Variants in VPS13B observed in about 807,000 individuals in gnomAD.
VPS13B encodes the protein vacuolar protein sorting 13 homolog B.
A neutral mutation model predicts 426.4 loss-of-function variants in VPS13B; 285 were observed. The ratio of observed to expected loss-of-function variants is 0.67; its 90% CI spans 0.61 to 0.74. The LOEUF (loss-of-function observed/expected upper bound fraction) is 0.74. Among genes scored for constraint, VPS13B ranks in the 30% least tolerant of loss-of-function variants. VPS13B has a pLI of 0.00. For synonymous variants in VPS13B, 1,676 were observed against 1,676.4 expected (o/e 1.00, Z 0.01); for missense variants, 4,537 against 4,782.6 (o/e 0.95, Z 1.51).
chr8:99,170,095 A>C lies in VPS13B; in HGVS notation c.2265A>C (p.Leu755Phe). 1 of 1,612,984 alleles carries C rather than the reference A, an allele frequency of 6.2e-7. No homozygotes were observed. Among genetic ancestry groups the C allele is most frequent in the Non-Finnish European group, 8.5e-7 (1 of 1,179,090 alleles). Residue 755 changes from leucine to phenylalanine, a missense_variant, in exon 16 of 62, where the codon TTA (leucine) becomes TTC (phenylalanine). By Grantham distance (22) the Leu-to-Phe change is conservative (BLOSUM62 0). This residue lies in a region of VPS13B where 4,311 missense variants were observed against 4,474.3 expected (regional missense o/e 0.96). Transcript: ENST00000357162. ...TSLDCSGSYC[L>F]PVPVIPSFST... ...TGGATTGCAGTGGATCTTACTGCTT[A>C]CCTGTACCAGTTATTCCCTCTTTCA...
chr8:99,591,280 ATTGACGGGTC>A lies in VPS13B; in HGVS notation c.5220+13653_5220+13662del, dbSNP rs1443626679. ...ATGGGTCTCCTGATGAATCCAGCAC[ATTGACGGGTC>A]TTGACTCTTTATCCAATTTGCCAGT... is the stretch of plus-strand genomic sequence containing the variant. On this transcript the variant is annotated intron_variant, in intron 33 of 61. Transcript: ENST00000357162. 4.0e-5 allele frequency among the ~76,000 whole-genome samples: 6 copies of A among 150,746 alleles called. No individual in the cohort carries two copies. The South Asian group carries it at 6.3e-4, about 16-fold the overall frequency.
chr8:99,518,706 C>G (rs548125960), intron 29 of VPS13B, among the ~76,000 whole-genome samples: 6 of 152,036 alleles, frequency 3.9e-5, no homozygotes, highest in Non-Finnish European at 8.8e-5. Flanking sequence ...TTTCCTTGGA[C>G]TAATCTGAAT....
chr8:99,661,634 G>A (rs1830228019), intron 35 of VPS13B, 143 bp downstream of exon 35: 3 of 982,592 alleles, frequency 3.1e-6, no homozygotes, highest in South Asian at 1.6e-5. Context: ...TTTTCAGGCT[G>A]CCCATTTTAG....
rs5893498 is a variant in VPS13B at position 99,788,383 on chromosome 8, TAA to T, written c.7941+3926_7941+3927del. On this transcript the variant is annotated intron_variant, in intron 43 of 61. Coordinates refer to ENST00000357162, the MANE Select transcript of VPS13B (RefSeq NM_152564.5). ...TGGGCAATATAATGAGACCCCATCT[TAA>T]AAAAAAAAAAAAAAAAAAGCAAAAT... Among the ~76,000 whole-genome samples, 122 of 102,892 alleles carry T rather than the reference TAA, an allele frequency of 1.2e-3. 1 individual carries two copies. Among genetic ancestry groups the T allele is most frequent in the African/African-American group, 3.2e-3 (90 of 28,048 alleles). 67.5% of individuals were successfully genotyped at this position (102,892 alleles called of 152,430 possible).
chr8:99,428,288 G>A (rs990643793), intron 21 of VPS13B, among the ~76,000 whole-genome samples: 8 of 152,032 alleles, frequency 5.3e-5, no homozygotes, highest in Non-Finnish European at 1.0e-4. Context: ...GTGACAAATG[G>A]GATCTAATTA....
intron 17 of VPS13B, among the ~76,000 whole-genome samples, chr8:99,198,578 T>C (rs1337783764): frequency 6.6e-6 from 1 of 152,156 alleles, no homozygotes; most frequent in Non-Finnish European, 1.5e-5. Flanking sequence ...GTGGCATATG[T>C]ATTGAAAAAT....
intron 39 of VPS13B, among the ~76,000 whole-genome samples, chr8:99,749,314 T>C (rs1328680887): frequency 6.6e-6 from 1 of 152,046 alleles, no homozygotes; most frequent in Non-Finnish European, 1.5e-5. Context: ...CCTGTTGTTC[T>C]ATCAGACACT....
Position 99,103,134 on chromosome 8 carries a change from G to A in VPS13B, c.580+14G>A. On this transcript the variant is annotated intron_variant, in intron 5 of 61. Coordinates refer to ENST00000357162, the MANE Select transcript of VPS13B (RefSeq NM_152564.5). ...TGGATATTTCTGGTGAGTAAATATG[G>A]AGAATACCGTATATTTTTCCATAAT... 6.2e-7 allele frequency: 1 copy of A among 1,613,124 alleles called. No homozygotes were observed. Among genetic ancestry groups the A allele is most frequent in the Non-Finnish European group, 8.5e-7 (1 of 1,179,272 alleles).
At chr8:99,234,439 C>T in intron 17 of VPS13B, 2 of 649,184 alleles carry the variant, frequency 3.1e-6, no homozygotes, top group Non-Finnish European at 5.9e-6. Context: ...CCATGATTTT[C>T]CCATGCAATT....
intron 17 of VPS13B, among the ~76,000 whole-genome samples, chr8:99,240,033 C>T (rs1396625132): frequency 6.6e-6 from 1 of 151,994 alleles, no homozygotes; most frequent in African/African-American, 2.4e-5. Flanking sequence ...AAGTGTGAAC[C>T]CCCTGATGCC....
chr8:99,638,592 A>G (rs1407533787), intron 33 of VPS13B, among the ~76,000 whole-genome samples: 4 of 152,124 alleles, frequency 2.6e-5, no homozygotes, highest in Non-Finnish European at 5.9e-5. Context: ...TAGAGTGCCT[A>G]CTGTGTTTGT....
intron 28 of VPS13B, among the ~76,000 whole-genome samples, 192 bp downstream of exon 28, chr8:99,507,395 T>C (rs1821558642): frequency 6.6e-6 from 1 of 152,198 alleles, no homozygotes; most frequent in African/African-American, 2.4e-5. Flanking sequence ...GTAACCATCT[T>C]CCTGTTATAA....
At chr8:99,421,000 ATACAT>A (rs1435846188) in intron 21 of VPS13B, among the ~76,000 whole-genome samples, 1 of 152,184 alleles carries the variant, frequency 6.6e-6, no homozygotes, top group Non-Finnish European at 1.5e-5. Context: ...CTGTTTTCGT[ATACAT>A]TACAACATTT....
At chr8:99,505,148 A>G (rs1432841131) in intron 27 of VPS13B, among the ~76,000 whole-genome samples, 1 of 152,232 alleles carries the variant, frequency 6.6e-6, no homozygotes, top group East Asian at 1.9e-4. Flanking sequence ...ATTTAACAGA[A>G]TGGTGTGTCT....
chr8:99,385,645 A>C (rs1814076450), intron 20 of VPS13B, among the ~76,000 whole-genome samples: 1 of 152,158 alleles, frequency 6.6e-6, no homozygotes, highest in South Asian at 2.1e-4. Flanking sequence ...TGTATTTGAG[A>C]ATCTTAAGGG....
At chr8:99,695,449 C>CA (rs1588631058) in intron 35 of VPS13B, among the ~76,000 whole-genome samples, 1 of 147,042 alleles carries the variant, frequency 6.8e-6, no homozygotes, top group Admixed American at 6.9e-5. Flanking sequence ...ATCGCAAGAA[C>CA]AAAAAACCAA....
intron 43 of VPS13B, among the ~76,000 whole-genome samples, chr8:99,806,198 G>A (rs1466494232): frequency 5.9e-5 from 9 of 152,162 alleles, no homozygotes; most frequent in Non-Finnish European, 1.2e-4. Context: ...GTAAATCAGT[G>A]CCAGCCACAA....
intron 15 of VPS13B, among the ~76,000 whole-genome samples, chr8:99,163,591 G>A (rs1408515266): frequency 6.6e-6 from 1 of 152,210 alleles, no homozygotes; most frequent in Non-Finnish European, 1.5e-5. Flanking sequence ...CAGCGCCGGT[G>A]GGCCAGCACT....
chr8:99,441,942 A>T (rs1012094882), intron 22 of VPS13B, among the ~76,000 whole-genome samples: 4 of 152,112 alleles, frequency 2.6e-5, no homozygotes, highest in African/African-American at 9.7e-5. Context: ...TTATAAATTG[A>T]ATGTTTTAAA....
Sources: allele counts gnomAD v4.1 joint callset (sites outside exome capture counted in the v4.1 genomes callset), GRCh38; gene constraint gnomAD v4.1.1; regional missense constraint gnomAD v4.1.1; transcripts MANE v1.5; gene names NCBI Gene and HGNC (gene_info 2026-07-23, HGNC 2026-07-21).